Variants in PCM1 observed in about 807,000 individuals in gnomAD.
The protein encoded by PCM1 is pericentriolar material 1.
PCM1 carries 157 observed loss-of-function variants against 241.9 expected under a neutral mutation model. The ratio of observed to expected loss-of-function variants is 0.65; its 90% confidence interval spans 0.57 to 0.74. The LOEUF is 0.74. Among genes scored for constraint, PCM1 ranks in the 30% least tolerant of loss-of-function variants. PCM1 has a pLI of 0.00. For synonymous variants in PCM1, 1,085 were observed against 784.9 expected, an observed-to-expected ratio of 1.38 and a Z score of -6.39; for missense variants, 3,478 against 2,360.1, an observed-to-expected ratio of 1.47 and a Z score of -9.81.
chr8:18,020,271 TCC>T (rs1287288251), intron 36 of PCM1, among the ~76,000 whole-genome samples: 10 of 152,176 alleles, frequency 6.6e-5, no homozygotes, highest in Non-Finnish European at 2.9e-5. Context: ...TCAGAGCATA[TCC>T]AAACCATCTA....
Position 18,014,631 on chromosome 8 carries a change from G to A in PCM1, c.5632G>A (p.Glu1878Lys). The change falls in exon 36 of 39, where the codon GAA becomes AAA. Residue 1878 changes from glutamate (E) to lysine (K), a missense_variant. Physicochemically the swap from Glu to Lys is moderately conservative, Grantham distance 56 (BLOSUM62 1). Transcript: ENST00000325083. ...GAAACCCTGTTACCTCAATATCTTG[G>A]AAGATGAGCAACCTTTAAATAGTGC... ...PVKPCYLNIL[E>K]DEQPLNSAAH... 1 of 1,613,000 alleles carries A rather than the reference G, an allele frequency of 6.2e-7. No homozygotes were observed. The highest frequency in any genetic ancestry group is 8.5e-7 in the Non-Finnish European group (1 of 1,179,232).
intron 2 of PCM1, among the ~76,000 whole-genome samples, chr8:17,933,211 A>C (rs1473402077): frequency 1.3e-5 from 2 of 152,184 alleles, no homozygotes; most frequent in African/African-American, 4.8e-5. Flanking sequence ...AAAATGCGTT[A>C]GCTGTTACTA....
At chr8:17,931,434 G>A (rs1052978220) in intron 2 of PCM1, among the ~76,000 whole-genome samples, 3 of 152,044 alleles carry the variant, frequency 2.0e-5, no homozygotes, top group Non-Finnish European at 4.4e-5. Flanking sequence ...GACTACAGGC[G>A]TGTGCCACCA....
Position 17,967,137 on chromosome 8 carries a change from C to T in PCM1, c.3379C>T (p.Pro1127Ser), listed in dbSNP as rs751816558. The T allele has an allele frequency of 1.2e-5, 19 of 1,601,270 alleles. No homozygotes were observed. Among genetic ancestry groups the T allele is most frequent in the Non-Finnish European group, 1.6e-5 (19 of 1,173,144 alleles). The stretch of plus-strand genomic sequence containing the variant: ...ACAGCCTGTAAATCTCTTCAATATA[C>T]CTGGATTTACTAACTTTTCATCATT... Reference protein sequence around the residue: ...PTQPVNLFNIPGFTNFSSFAP... With the variant: ...PTQPVNLFNISGFTNFSSFAP... The change falls in exon 21 of 39, where the codon CCT (proline) becomes TCT (serine). Residue 1127 changes from proline to serine, a missense_variant. Pro to Ser is a moderately conservative substitution (Grantham distance 74). Coordinates refer to ENST00000325083, the MANE Select transcript of PCM1 (RefSeq NM_006197.4).
intron 15 of PCM1, among the ~76,000 whole-genome samples, chr8:17,960,836 G>T (rs912549491): frequency 6.6e-6 from 1 of 151,926 alleles, no homozygotes; most frequent in Non-Finnish European, 1.5e-5. Context: ...CTAGTATTAA[G>T]GTGACAGAAT....
intron 24 of PCM1, chr8:17,983,175 C>T: frequency 3.6e-6 from 3 of 837,048 alleles, no homozygotes; most frequent in East Asian, 4.9e-5. Flanking sequence ...GTTATAGACC[C>T]TGTCTTTACT....
chr8:17,989,401 G>C (rs1350338010), intron 26 of PCM1, among the ~76,000 whole-genome samples: 1 of 152,004 alleles, frequency 6.6e-6, no homozygotes, highest in Non-Finnish European at 1.5e-5. Context: ...TACATTTAAA[G>C]TGAGTGCATT....
At chr8:17,997,799 G>T (rs898099074) in intron 29 of PCM1, among the ~76,000 whole-genome samples, 1 of 151,332 alleles carries the variant, frequency 6.6e-6, no homozygotes, top group Admixed American at 6.6e-5. Context: ...GCTGGGGCGG[G>T]TGATCACTTG....
At chr8:17,938,679 T>A in intron 4 of PCM1, 61 bp from the exon 5 acceptor site, 1 of 1,359,320 alleles carries the variant, frequency 7.4e-7, no homozygotes, top group Non-Finnish European at 1.0e-6. Context: ...ACATTGGGGT[T>A]AAAACAAAAT....
At chr8:17,950,776 A>G (rs536201112) in intron 8 of PCM1, 52 bp downstream of exon 8, 4 of 985,420 alleles carry the variant, frequency 4.1e-6, no homozygotes, top group Non-Finnish European at 6.3e-6. Context: ...ATTAATTAGA[A>G]CAGTGATTCA....
chr8:17,986,077 C>G lies in PCM1; in HGVS notation c.4400C>G (p.Thr1467Ser). Residue 1467 changes from threonine (T) to serine (S), a missense_variant, in exon 26 of 39, where the codon ACT becomes AGT. By Grantham distance (58) the Thr-to-Ser change is moderately conservative. Transcript: ENST00000325083. ...CTTACTCCTAGTGAGAGCCTTGCTA[C>G]TACTGATGATGTAAGCTGATAATGA... ...SELTPSESLA[T>S]TDDETFEKNF... 1 of 1,577,866 alleles carries G rather than the reference C, an allele frequency of 6.3e-7. No individual in the cohort carries two copies. The highest frequency in any genetic ancestry group is 8.6e-7 in the Non-Finnish European group (1 of 1,162,354).
chr8:17,988,908 TATAAAC>T (rs2083491482), intron 26 of PCM1, among the ~76,000 whole-genome samples: 1 of 152,074 alleles, frequency 6.6e-6, no homozygotes, highest in Non-Finnish European at 1.5e-5. Flanking sequence ...GGCAGTTGCT[TATAAAC>T]ATAAACGTGG....
chr8:18,014,325 A>T (rs561328150), intron 35 of PCM1, among the ~76,000 whole-genome samples: 14 of 152,088 alleles, frequency 9.2e-5, no homozygotes, highest in Non-Finnish European at 1.8e-4. Context: ...AAAAAAATCT[A>T]TTTGTAGGCC....
rs2074074435 is a variant in PCM1, at chr8:17,964,584, G to A, written c.2671G>A (p.Gly891Arg). The A allele has an allele frequency of 1.2e-6, 2 of 1,612,912 alleles. No individual in the cohort carries two copies. The highest frequency in any genetic ancestry group is 1.7e-4 in the Middle Eastern group (1 of 6,060). ...AATCACTAGAACGATGGCAACTTGGGGAGGGTCTACCCAGTGTGCACTAGA... is the reference window on the plus strand; with the variant it reads ...AATCACTAGAACGATGGCAACTTGGAGAGGGTCTACCCAGTGTGCACTAGA... Reference protein sequence around the residue: ...SRTEKTMATWGGSTQCALDEE... With the variant: ...SRTEKTMATWRGSTQCALDEE... Residue 891 changes from glycine (G) to arginine (R), a missense_variant, in exon 18 of 39, where the codon GGA (glycine) becomes AGA (arginine). Coordinates refer to ENST00000325083, the MANE Select transcript of PCM1 (RefSeq NM_006197.4).
intron 18 of PCM1, among the ~76,000 whole-genome samples, chr8:17,965,776 G>C (rs208054): frequency 0.53 from 80,837 of 152,134 alleles, 22,237 homozygotes; most frequent in Middle Eastern, 0.65. Context: ...GGACACTGCT[G>C]TGTAAAAACA....
In PCM1 at chr8:18,027,880, C is replaced by CTTCT; in HGVS notation, c.*221_*224dup. 1 of 375,860 alleles carries CTTCT rather than the reference C, an allele frequency of 2.7e-6. No individual in the cohort carries two copies. Among genetic ancestry groups the CTTCT allele is most frequent in the Non-Finnish European group, 4.7e-6 (1 of 211,402 alleles). 23.3% of individuals were successfully genotyped at this position (375,860 alleles called of 1,614,324 possible). On this transcript the variant is annotated 3_prime_UTR_variant, in exon 39 of 39. Coordinates refer to ENST00000325083, the MANE Select transcript of PCM1 (RefSeq NM_006197.4). Reference sequence around the variant, plus strand: ...ACACTGTGTTTTTTTTTTTTTCCCCCTTCTTTTTTGGGTCTTCATTTTTTT... The same window carrying CTTCT: ...ACACTGTGTTTTTTTTTTTTTCCCCCTTCTTTCTTTTTTGGGTCTTCATTTTTTT...
At position 17,969,640 on chromosome 8, in the gene PCM1, C is replaced by A; in HGVS notation, c.3476C>A (p.Pro1159His). The A allele has an allele frequency of 1.2e-6, 2 of 1,612,186 alleles. No individual in the cohort carries two copies. Among genetic ancestry groups the A allele is most frequent in the Non-Finnish European group, 1.7e-6 (2 of 1,178,576 alleles). The change falls in exon 22 of 39, where the codon CCC becomes CAC. Residue 1159 changes from proline (P) to histidine (H), a missense_variant. Physicochemically the swap from Pro to His is moderately conservative, Grantham distance 77. Transcript: ENST00000325083. Reference protein sequence around the residue: ...FGDFSQNISTPSEQQQPLAQN... With the variant: ...FGDFSQNISTHSEQQQPLAQN... Reference sequence around the variant, plus strand: ...GATTTTTCTCAGAATATCTCTACACCCAGTGAACAGCAGCAACCCTTAGCC... The same window carrying A: ...GATTTTTCTCAGAATATCTCTACACACAGTGAACAGCAGCAACCCTTAGCC...
chr8:18,023,210 A>G (rs2093898739), intron 36 of PCM1, among the ~76,000 whole-genome samples: 1 of 152,148 alleles, frequency 6.6e-6, no homozygotes, highest in African/African-American at 2.4e-5. Flanking sequence ...GGTTTGGGCT[A>G]TTTCCTACCT....
rs1428385060 is a variant in PCM1 at position 18,029,379 on chromosome 8, T to C, written c.*1717T>C. 4.7e-6 allele frequency: 1 copy of C among 214,828 alleles called. No homozygotes were observed. The highest frequency in any genetic ancestry group is 2.3e-5 in the African/African-American group (1 of 43,656). The allele number at this position is 214,828 out of a possible 1,614,324, so 13.3% of individuals were successfully genotyped here. A position where few individuals can be genotyped will look rare whatever the true frequency, so the allele number is the denominator to read the frequency against. ...GGTGCTCTAACTAACTTCAGGGAAA[T>C]TGGAACAATAAGTTATGTTACATGC... On this transcript the variant is annotated 3_prime_UTR_variant, in exon 39 of 39. Transcript: ENST00000325083.
Sources: allele counts gnomAD v4.1 joint callset (sites outside exome capture counted in the v4.1 genomes callset), GRCh38; gene constraint gnomAD v4.1.1; transcripts MANE v1.5; gene names NCBI Gene and HGNC (gene_info 2026-07-23, HGNC 2026-07-21).